The following SPAST variants were observed in gnomAD, a reference collection of about 807,000 sequenced individuals.
SPAST encodes spastin, also known as spastic paraplegia 4 (autosomal dominant; spastin).
Under a neutral mutation model 76.6 loss-of-function variants are expected in SPAST, and 30 were observed. The observed-to-expected ratio is 0.39, with a 90% CI of 0.29 to 0.53. The LOEUF (loss-of-function observed/expected upper bound fraction) is 0.53. Ranked by LOEUF, SPAST falls within the 20% of genes least tolerant of loss-of-function variation. SPAST has a pLI of 0.68. For missense variants in SPAST, 717 were observed against 770.5 expected (o/e 0.93, Z 0.82); for synonymous variants, 305 against 281.0 (o/e 1.09, Z -0.86).
At chr2:32,093,138 G>A (rs911609874) in intron 3 of SPAST, among the ~76,000 whole-genome samples, 10 of 151,614 alleles carry the variant, frequency 6.6e-5, no homozygotes, top group Non-Finnish European at 1.3e-4. Flanking sequence ...GTGAAACCCC[G>A]TCTCTACTAA....
intron 8 of SPAST, chr2:32,127,865 C>T (rs973708740): frequency 1.3e-5 from 2 of 152,516 alleles, no homozygotes; most frequent in African/African-American, 4.8e-5. Context: ...TCTCTCTCTA[C>T]TCATTCTCTC....
intron 1 of SPAST, among the ~76,000 whole-genome samples, chr2:32,076,882 G>GT (rs933162300): frequency 5.4e-5 from 8 of 149,426 alleles, no homozygotes; most frequent in African/African-American, 9.8e-5. Context: ...TTTGTTTTTT[G>GT]TTTTTTTTTC....
intron 1 of SPAST, among the ~76,000 whole-genome samples, chr2:32,086,749 C>A (rs1677496400): frequency 6.6e-6 from 1 of 151,080 alleles, no homozygotes; most frequent in African/African-American, 2.4e-5. Context: ...CAGAGCAAGA[C>A]TCTGTCTCAA....
intron 7 of SPAST, among the ~76,000 whole-genome samples, chr2:32,118,862 A>T (rs1041877897): frequency 9.9e-5 from 15 of 152,216 alleles, no homozygotes; most frequent in African/African-American, 3.4e-4. Context: ...TATGCAAGAA[A>T]AGTCATTCAG....
At chr2:32,079,966 G>T (rs1490511689) in intron 1 of SPAST, among the ~76,000 whole-genome samples, 1 of 152,166 alleles carries the variant, frequency 6.6e-6, no homozygotes, top group East Asian at 1.9e-4. Flanking sequence ...TAGAATTACT[G>T]AATTATATGG....
At chr2:32,126,106 G>A (rs1679184006) in intron 7 of SPAST, among the ~76,000 whole-genome samples, 2 of 152,108 alleles carry the variant, frequency 1.3e-5, no homozygotes. Context: ...TGCCCGGCCA[G>A]TTCCTCTGTT....
At chr2:32,127,557 C>T (rs1052490549) in intron 8 of SPAST, 8 of 154,904 alleles carry the variant, frequency 5.2e-5, no homozygotes, top group Non-Finnish European at 1.0e-4. Context: ...AAATTTTTAC[C>T]TGGAAGAGCT....
intron 4 of SPAST, among the ~76,000 whole-genome samples, chr2:32,109,474 C>T (rs1202683925): frequency 1.3e-5 from 2 of 152,032 alleles, no homozygotes; most frequent in South Asian, 2.1e-4. Flanking sequence ...TTTCCTCTCA[C>T]GTAGCAACCT....
intron 16 of SPAST, 40 bp from the exon 17 acceptor site, chr2:32,154,334 G>C: frequency 6.3e-7 from 1 of 1,583,516 alleles, no homozygotes. Flanking sequence ...CCATATACCT[G>C]TTGATCATTT....
chr2:32,147,667 T>C (rs1220533760), intron 16 of SPAST, among the ~76,000 whole-genome samples: 3 of 151,798 alleles, frequency 2.0e-5, no homozygotes, highest in Admixed American at 6.6e-5. Flanking sequence ...AGTCTCACTC[T>C]GTCGCCCAGA....
chr2:32,129,363 A>C (rs1009679956), intron 9 of SPAST: 1 of 151,806 alleles, frequency 6.6e-6, no homozygotes, highest in Non-Finnish European at 1.5e-5. Context: ...TGCTGGAATT[A>C]CAAGTGTGAG....
chr2:32,093,347 T>G (rs917822575), intron 3 of SPAST, among the ~76,000 whole-genome samples: 4 of 145,538 alleles, frequency 2.7e-5, no homozygotes, highest in African/African-American at 1.0e-4. Flanking sequence ...CCGGGCATGG[T>G]GGCGGGCACC....
At chr2:32,102,493 C>A (rs1678163655) in intron 4 of SPAST, among the ~76,000 whole-genome samples, 1 of 152,156 alleles carries the variant, frequency 6.6e-6, no homozygotes, top group Admixed American at 6.5e-5. Context: ...CTGGCCAGAA[C>A]TTCCAACACT....
At chr2:32,097,099 T>A (rs1347960767) in intron 3 of SPAST, among the ~76,000 whole-genome samples, 1 of 152,192 alleles carries the variant, frequency 6.6e-6, no homozygotes, top group African/African-American at 2.4e-5. Context: ...TTTTATGTAT[T>A]CATTGACTTG....
chr2:32,150,046 A>G (rs1680024295), intron 16 of SPAST, among the ~76,000 whole-genome samples: 1 of 149,910 alleles, frequency 6.7e-6, no homozygotes, highest in Admixed American at 6.6e-5. Flanking sequence ...TTTTTTTTTA[A>G]GAAAGCTTTT....
At chr2:32,149,605 A>C (rs979590139) in intron 16 of SPAST, among the ~76,000 whole-genome samples, 3 of 152,234 alleles carry the variant, frequency 2.0e-5, no homozygotes, top group Non-Finnish European at 2.9e-5. Context: ...CAGATCAAAA[A>C]TACTTGGGGG....
chr2:32,124,902 T>G (rs1238029581), intron 7 of SPAST, among the ~76,000 whole-genome samples: 1 of 152,128 alleles, frequency 6.6e-6, no homozygotes, highest in African/African-American at 2.4e-5. Context: ...GATGAATAGG[T>G]GGAGCACAGT....
chr2:32,087,241 G>A (rs1044926036), intron 1 of SPAST, among the ~76,000 whole-genome samples: 2 of 152,018 alleles, frequency 1.3e-5, no homozygotes, highest in Non-Finnish European at 2.9e-5. Context: ...TAGGTTATAA[G>A]GATCAATACC....
chr2:32,138,277 G>A (rs1679606989), intron 12 of SPAST, among the ~76,000 whole-genome samples: 1 of 152,144 alleles, frequency 6.6e-6, no homozygotes, highest in Non-Finnish European at 1.5e-5. Flanking sequence ...CCTACCAGCA[G>A]TACATACGCT....
Sources: gnomAD v4.1 joint callset for allele counts (sites outside exome capture counted in the v4.1 genomes callset) on GRCh38, gnomAD v4.1.1 for gene constraint, MANE v1.5 for transcripts, NCBI Gene and HGNC (gene_info 2026-07-23, HGNC 2026-07-21) for gene names.